The following ANK2 variants were observed in gnomAD, a reference collection of about 807,000 sequenced individuals.
ANK2 encodes ankyrin 2.
Under a neutral mutation model 360.5 loss-of-function variants are expected in ANK2, and 83 were observed. The ratio of observed to expected loss-of-function variants is 0.23; its 90% CI spans 0.19 to 0.28. The LOEUF is 0.28. Ranked by LOEUF, ANK2 falls within the 10% of genes least tolerant of loss-of-function variation. ANK2 has a pLI of 1.00. For synonymous variants in ANK2, 1,740 were observed against 1,759.5 expected (o/e 0.99, Z 0.28); for missense variants, 4,201 against 4,795.7 (o/e 0.88, Z 3.66).
intron 1 of ANK2, among the ~76,000 whole-genome samples, chr4:112,895,274 C>T (rs1027560421): frequency 6.6e-6 from 1 of 152,136 alleles, no homozygotes; most frequent in African/African-American, 2.4e-5. Context: ...AGCCTAATAC[C>T]ACAGTGGATG....
intron 26 of ANK2, among the ~76,000 whole-genome samples, chr4:113,328,527 A>G (rs1368288221): frequency 1.3e-5 from 2 of 152,248 alleles, no homozygotes; most frequent in African/African-American, 4.8e-5. Context: ...TTCATACTGG[A>G]AGACTAGTAA....
chr4:112,762,177 C>G, the ANK2 span, among the ~76,000 whole-genome samples: 1 of 152,096 alleles, frequency 6.6e-6, no homozygotes, highest in Non-Finnish European at 1.5e-5. Context: ...GCTCAGAACT[C>G]AAAGGGCTAT....
At chr4:113,269,524 G>A (rs533407075) in intron 14 of ANK2, among the ~76,000 whole-genome samples, 13 of 152,332 alleles carry the variant, frequency 8.5e-5, no homozygotes, top group Non-Finnish European at 1.5e-4. Context: ...CTTGCCTAGG[G>A]GAGGGAGTTC....
In ANK2 at chr4:112,967,238, C is replaced by T. The variant is rs892480115; in HGVS notation, c.21+62724C>T. 5.0e-4 allele frequency among the ~76,000 whole-genome samples: 76 copies of T among 152,186 alleles called. 1 individual carries two copies. Among genetic ancestry groups the T allele is most frequent in the Middle Eastern group, 3.2e-3 (1 of 316 alleles). On this transcript the variant is annotated intron_variant, in intron 2 of 30. Coordinates refer to the ANK2 transcript ENST00000503271. ...ATGATCTTGGCTCCCCCTTGGCAGGCATAAAGACTGGATTAGCTCTTGTGC... is the reference window on the plus strand; with the variant it reads ...ATGATCTTGGCTCCCCCTTGGCAGGTATAAAGACTGGATTAGCTCTTGTGC...
intron 31 of ANK2, among the ~76,000 whole-genome samples, chr4:113,337,333 T>C (rs1285092502): frequency 6.6e-6 from 1 of 152,238 alleles, no homozygotes; most frequent in Non-Finnish European, 1.5e-5. Context: ...TAACTGATTT[T>C]TGGTCTTTTC....
chr4:113,308,190 C>T (rs1315734641), intron 23 of ANK2, among the ~76,000 whole-genome samples: 1 of 152,158 alleles, frequency 6.6e-6, no homozygotes, highest in African/African-American at 2.4e-5. Context: ...CAAATAAGAG[C>T]TAAAGCTTTT....
chr4:113,336,086 T>C, intron 30 of ANK2, 29 bp downstream of exon 30: 1 of 1,604,858 alleles, frequency 6.2e-7, no homozygotes, highest in African/African-American at 1.3e-5. Context: ...CAAATGATCC[T>C]AACAGGATTG....
intron 2 of ANK2, among the ~76,000 whole-genome samples, chr4:113,020,137 G>C (rs1029079801): frequency 6.6e-6 from 1 of 152,144 alleles, no homozygotes; most frequent in African/African-American, 2.4e-5. Flanking sequence ...GTTTTTGAGA[G>C]TCAAAGAAGA....
chr4:112,956,515 G>C (rs991400053), intron 2 of ANK2, among the ~76,000 whole-genome samples: 2 of 152,160 alleles, frequency 1.3e-5, no homozygotes, highest in Non-Finnish European at 2.9e-5. Context: ...TCCAACAGTC[G>C]ATCTGATAAT....
At chr4:113,341,111 A>C (rs1482117168) in intron 32 of ANK2, among the ~76,000 whole-genome samples, 1 of 152,220 alleles carries the variant, frequency 6.6e-6, no homozygotes, top group African/African-American at 2.4e-5. Context: ...TCTTCTATGA[A>C]TTATATTCAG....
chr4:113,232,337 C>T (rs1467814678), intron 5 of ANK2, 78 bp downstream of exon 5: 173 of 1,109,894 alleles, frequency 1.6e-4, no homozygotes, highest in Non-Finnish European at 1.9e-5. Flanking sequence ...CAAATAGTCT[C>T]CATTACTTTG....
At chr4:112,788,643 G>A in the ANK2 span, 58 of 1,600,720 alleles carry the variant, frequency 3.6e-5, no homozygotes, top group South Asian at 5.6e-4. Context: ...CTGGTTAATC[G>A]CAGGAGGCAC....
chr4:113,157,486 A>G (rs2097345968), intron 1 of ANK2, among the ~76,000 whole-genome samples: 1 of 152,204 alleles, frequency 6.6e-6, no homozygotes, highest in Non-Finnish European at 1.5e-5. Flanking sequence ...ATATTGACAC[A>G]CTCTTGAAAT....
At chr4:112,933,947 C>G (rs2093498133) in intron 2 of ANK2, among the ~76,000 whole-genome samples, 1 of 150,176 alleles carries the variant, frequency 6.7e-6, no homozygotes, top group African/African-American at 2.5e-5. Flanking sequence ...TGTGATAGAT[C>G]TAAAGGAGAT....
intron 43 of ANK2, 113 bp downstream of exon 43, chr4:113,369,918 A>G (rs1386782181): frequency 7.5e-7 from 1 of 1,337,342 alleles, no homozygotes; most frequent in Non-Finnish European, 1.1e-6. Context: ...AGTTAACCAA[A>G]TTAATTAACC....
the ANK2 span, among the ~76,000 whole-genome samples, chr4:112,776,103 T>TG: frequency 6.6e-6 from 1 of 152,096 alleles, no homozygotes; most frequent in African/African-American, 2.4e-5. Context: ...GGGAGTGTTC[T>TG]GGTTAAGAAG....
chr4:112,790,873 C>T, the ANK2 span, among the ~76,000 whole-genome samples: 2 of 152,120 alleles, frequency 1.3e-5, no homozygotes, highest in Non-Finnish European at 2.9e-5. Context: ...AGGACTAATT[C>T]AGTAAAATAT....
chr4:112,980,164 G>C (rs953641887), intron 2 of ANK2: 1 of 152,526 alleles, frequency 6.6e-6, no homozygotes, highest in Admixed American at 6.5e-5. Flanking sequence ...AGGCAGCAGG[G>C]GGCTGGCATG....
At chr4:112,752,820 G>T in the ANK2 span, among the ~76,000 whole-genome samples, 1 of 151,900 alleles carries the variant, frequency 6.6e-6, no homozygotes, top group Non-Finnish European at 1.5e-5. Context: ...CATGCGCCAC[G>T]ATACCTGGCT....
Sources: gnomAD v4.1 joint callset for allele counts (sites outside exome capture counted in the v4.1 genomes callset) on GRCh38, gnomAD v4.1.1 for gene constraint, MANE v1.5 for transcripts, NCBI Gene and HGNC (gene_info 2026-07-23, HGNC 2026-07-21) for gene names.